FGL1: variants seen among roughly 807,000 people sequenced by gnomAD.
The protein encoded by FGL1 is fibrinogen-like protein 1.
FGL1 carries 59 observed loss-of-function variants against 43.7 expected under a neutral mutation model. The observed-to-expected ratio is 1.35, with a 90% CI of 1.10 to 1.68. The LOEUF (loss-of-function observed/expected upper bound fraction) is 1.68, where lower values mean the gene tolerates loss of function less well. Among genes scored for constraint, FGL1 ranks in the 40% most tolerant of loss-of-function variants. The pLI, the probability that FGL1 is intolerant of heterozygous loss-of-function variation, is 0.00. For synonymous variants in FGL1, 192 were observed against 126.5 expected (o/e 1.52, Z -3.48); for missense variants, 596 against 373.0 (o/e 1.60, Z -4.92).
chr8:17,871,482 A>G (rs2131701126), intron 5 of FGL1, among the ~76,000 whole-genome samples: 1 of 135,316 alleles, frequency 7.4e-6, no homozygotes, highest in East Asian at 2.0e-4. Flanking sequence ...AACAGGCAAA[A>G]ATCTGTCTCA....
At chr8:17,893,489 A>C (rs2053735287) in intron 1 of FGL1, among the ~76,000 whole-genome samples, 1 of 150,794 alleles carries the variant, frequency 6.6e-6, no homozygotes, top group Non-Finnish European at 1.5e-5. Flanking sequence ...GTAAAAAATA[A>C]AGGGCTAATG....
rs749278799 is a variant in FGL1 at position 17,874,415 on chromosome 8, T to C, written c.351A>G (p.Gly117=). Residue 117 remains glycine, a synonymous_variant, in exon 4 of 8, where the codon GGA becomes GGG. Coordinates refer to ENST00000427924, the MANE Select transcript of FGL1 (RefSeq NM_004467.4). The part of the protein sequence containing the change: ...EFSVYCDMSD[G]GGWTVIQRRS... ...GTCTCTGAATTACAGTCCATCCTCC[T>C]CCATCGGACATGTCACAATAAACAG... The C allele has an allele frequency of 1.4e-5, 23 of 1,614,054 alleles. No homozygotes were observed. The highest frequency in any genetic ancestry group is 1.9e-5 in the Non-Finnish European group (23 of 1,180,012).
rs780353033 is a variant in FGL1, at chr8:17,885,493, G to A, written c.62C>T (p.Ser21Leu). 1.1e-5 allele frequency: 17 copies of A among 1,610,246 alleles called. No individual in the cohort carries two copies. The South Asian group carries it at 1.3e-4, about 13-fold the overall frequency. ...CAATAGTTTTCCCAAGAAGCTTACC[G>A]AAATTTCCCTGCCCATTGTCAGAGC... ...TTALTMGREI[S>L]ALEDCAQEQM... The change falls in exon 2 of 8, where the codon TCG becomes TTG. Residue 21 changes from serine to leucine, a missense_variant and splice_region_variant. Ser to Leu is a moderately radical substitution (Grantham distance 145). Coordinates refer to ENST00000427924, the MANE Select transcript of FGL1 (RefSeq NM_004467.4).
At chr8:17,885,636 G>C in intron 1 of FGL1, 65 bp from the exon 2 acceptor site, 2 of 1,353,656 alleles carry the variant, frequency 1.5e-6, no homozygotes, top group Non-Finnish European at 1.0e-6. Flanking sequence ...CCAGAGTTCA[G>C]ACTTCAGTAG....
rs2053641873 is a variant in FGL1, at chr8:17,887,249, C to G, written c.-17-1678G>C. On this transcript the variant is annotated intron_variant, in intron 1 of 7. Transcript: ENST00000427924. ...GCTTCACCGAAAAGATCTTCAGAGA[C>G]TGACATTGGAGGATTCTCCATCAAA... 2.0e-5 allele frequency among the ~76,000 whole-genome samples: 3 copies of G among 152,294 alleles called. No homozygotes were observed. The South Asian group carries it at 6.2e-4, about 32-fold the overall frequency.
At chr8:17,882,705 T>TTATATATTA (rs200592532) in intron 2 of FGL1, 6 of 137,960 alleles carry the variant, frequency 4.3e-5, no homozygotes, top group Non-Finnish European at 6.1e-5. Context: ...TTAATGTATA[T>TTATATATTA]TATATATTAT....
intron 2 of FGL1, among the ~76,000 whole-genome samples, chr8:17,882,916 TA>T (rs375553400): frequency 0.1 from 2,335 of 23,078 alleles, 3 homozygotes; most frequent in Middle Eastern, 0.25. Flanking sequence ...AAATAATATA[TA>T]ATATATCTCA....
At chr8:17,873,749 A>AATGT (rs2053400423) in intron 5 of FGL1, among the ~76,000 whole-genome samples, 1 of 149,886 alleles carries the variant, frequency 6.7e-6, no homozygotes, top group African/African-American at 2.4e-5. Context: ...CTATGTATAG[A>AATGT]ATGTATATAT....
intron 3 of FGL1, among the ~76,000 whole-genome samples, chr8:17,876,826 C>A (rs1407644525): frequency 6.6e-6 from 1 of 152,088 alleles, no homozygotes. Context: ...GAGGTTTCAG[C>A]CAAAATTTTC....
intron 5 of FGL1, among the ~76,000 whole-genome samples, chr8:17,870,959 G>GCAGCAGAAGAGGACA (rs3831580): frequency 0.73 from 109,941 of 151,400 alleles, 40,698 homozygotes; most frequent in Non-Finnish European, 0.79. Context: ...GCACACACCA[G>GCAGCAGAAGAGGACA]GACGAGAACA....
intron 7 of FGL1, among the ~76,000 whole-genome samples, chr8:17,868,168 G>A (rs1316005354): frequency 6.6e-6 from 1 of 152,094 alleles, no homozygotes; most frequent in Non-Finnish European, 1.5e-5. Context: ...CAGCAATAAC[G>A]GTGGCTCTTT....
Position 17,882,059 on chromosome 8 carries a change from A to G in FGL1, c.184T>C (p.Phe62Leu), listed in dbSNP as rs778831512. 1 of 1,613,936 alleles carries G rather than the reference A, an allele frequency of 6.2e-7. No homozygotes were observed. Among genetic ancestry groups the G allele is most frequent in the Non-Finnish European group, 8.5e-7 (1 of 1,179,990 alleles). The change falls in exon 3 of 8, where the codon TTC (phenylalanine) becomes CTC (leucine). Residue 62 changes from phenylalanine to leucine, a missense_variant. Coordinates refer to ENST00000427924, the MANE Select transcript of FGL1 (RefSeq NM_004467.4). ...KQLLQENEVQ[F>L]LDKGDENTVI... Reference sequence around the variant, plus strand: ...GTATTCTCATCTCCTTTATCAAGGAACTGGACTTCATTCTCCTGCAAAAGC... The same window carrying G: ...GTATTCTCATCTCCTTTATCAAGGAGCTGGACTTCATTCTCCTGCAAAAGC...
At chr8:17,881,501 T>C (rs781356594) in intron 3 of FGL1, among the ~76,000 whole-genome samples, 1 of 151,674 alleles carries the variant, frequency 6.6e-6, no homozygotes, top group African/African-American at 2.4e-5. Context: ...TTCTCAGATA[T>C]TTAGCATTCA....
intron 3 of FGL1, among the ~76,000 whole-genome samples, chr8:17,874,864 G>T (rs906996675): frequency 1.3e-5 from 2 of 151,722 alleles, no homozygotes; most frequent in African/African-American, 2.4e-5. Context: ...CGAACTCCTG[G>T]CTTCAAACAA....
intron 1 of FGL1, among the ~76,000 whole-genome samples, chr8:17,892,030 T>C (rs777138811): frequency 2.0e-5 from 3 of 152,218 alleles, no homozygotes; most frequent in Admixed American, 6.5e-5. Context: ...ACCATAGCTA[T>C]CTCATAATAA....
intron 3 of FGL1, among the ~76,000 whole-genome samples, chr8:17,876,606 T>C (rs1196588864): frequency 6.6e-6 from 1 of 152,228 alleles, no homozygotes; most frequent in South Asian, 2.1e-4. Context: ...AATGTTGTTA[T>C]AAAGTTTACA....
intron 3 of FGL1, among the ~76,000 whole-genome samples, chr8:17,875,304 C>T (rs1294150194): frequency 6.6e-6 from 1 of 152,042 alleles, no homozygotes; most frequent in Non-Finnish European, 1.5e-5. Context: ...ATCTCTTAGC[C>T]TTATTAGATT....
chr8:17,892,936 A>G (rs1464282849), intron 1 of FGL1, among the ~76,000 whole-genome samples: 1 of 152,228 alleles, frequency 6.6e-6, no homozygotes, highest in Non-Finnish European at 1.5e-5. Context: ...GTGGTGGCTC[A>G]TGCCTGTAAT....
intron 1 of FGL1, among the ~76,000 whole-genome samples, chr8:17,892,850 C>T (rs1279941565): frequency 2.6e-5 from 4 of 152,194 alleles, no homozygotes; most frequent in South Asian, 4.1e-4. Context: ...TTAAAGTTTT[C>T]TTATGCATTT....
Sources: gnomAD v4.1 joint callset for allele counts (sites outside exome capture counted in the v4.1 genomes callset) on GRCh38, gnomAD v4.1.1 for gene constraint, MANE v1.5 for transcripts, NCBI Gene and HGNC (gene_info 2026-07-23, HGNC 2026-07-21) for gene names.